The following LRP1B variants were observed in gnomAD, a reference collection of about 807,000 sequenced individuals.
The protein encoded by LRP1B is LDL receptor related protein 1B.
In LRP1B, 217 loss-of-function variants were observed where a neutral mutation model predicts 556.6. The observed-to-expected ratio is 0.39, with a 90% confidence interval of 0.35 to 0.44. LRP1B has a LOEUF of 0.44. Ranked by LOEUF, LRP1B falls within the 20% of genes least tolerant of loss-of-function variation. The pLI is 1.00. For synonymous variants in LRP1B, 2,047 were observed against 1,865.8 expected (o/e 1.10, Z -2.50); for missense variants, 5,053 against 5,620.8 (o/e 0.90, Z 3.23).
rs1698771419 is a variant in LRP1B, at chr2:141,876,699, A to G, written c.83-66298T>C. ...GCTGAGTGTTAGGAGAATATGATAA[A>G]TGAACAATAAGGTTGTTAGTGTGAT... On this transcript the variant is annotated intron_variant, in intron 1 of 90. Transcript: ENST00000389484. Among the ~76,000 whole-genome samples the G allele has an allele frequency of 2.0e-5, 3 of 151,946 alleles. No homozygotes were observed. The South Asian group carries it at 6.2e-4, about 31-fold the overall frequency.
chr2:140,742,298 CCTCT>C (rs1273595391), intron 35 of LRP1B, among the ~76,000 whole-genome samples: 1 of 152,082 alleles, frequency 6.6e-6, no homozygotes, highest in Non-Finnish European at 1.5e-5. Flanking sequence ...CTGAATGGCT[CCTCT>C]CTTTTAAGAA....
At position 141,567,379 on chromosome 2, in the gene LRP1B, A is replaced by T. The variant is rs545809460; in HGVS notation, c.206-86846T>A. Reference sequence around the variant, plus strand: ...TCATTCATAGGCTAAGGATTTTGTTATTTGTTTCAAAGAACAAAAACCAAT... The same window carrying T: ...TCATTCATAGGCTAAGGATTTTGTTTTTTGTTTCAAAGAACAAAAACCAAT... On this transcript the variant is annotated intron_variant, in intron 2 of 90. Coordinates refer to ENST00000389484, the MANE Select transcript of LRP1B (RefSeq NM_018557.3). 2.0e-5 allele frequency among the ~76,000 whole-genome samples: 3 copies of T among 152,266 alleles called. No individual in the cohort carries two copies. In the East Asian group the frequency reaches 5.8e-4, roughly 29 times the overall value.
At chr2:141,143,838 T>TA (rs1701716274) in intron 7 of LRP1B, among the ~76,000 whole-genome samples, 1 of 150,652 alleles carries the variant, frequency 6.6e-6, no homozygotes, top group South Asian at 2.1e-4. Context: ...TCCTAATCTT[T>TA]TTTTTTTTTT....
chr2:141,517,259 T>TACACACACAC (rs71281835), intron 2 of LRP1B, among the ~76,000 whole-genome samples: 2,159 of 141,462 alleles, frequency 0.015, 51 homozygotes, highest in African/African-American at 0.05. Context: ...AGGACAAGAA[T>TACACACACAC]ACGCACACAC....
intron 7 of LRP1B, among the ~76,000 whole-genome samples, chr2:141,174,716 T>C (rs965366013): frequency 6.6e-6 from 1 of 152,086 alleles, no homozygotes; most frequent in East Asian, 1.9e-4. Flanking sequence ...AGGATATTGG[T>C]ACAGGGGCAC....
intron 23 of LRP1B, among the ~76,000 whole-genome samples, chr2:140,901,530 GATATCCATCACCTCAAGC>G (rs1559183612): frequency 6.6e-6 from 1 of 152,010 alleles, no homozygotes; most frequent in African/African-American, 2.4e-5. Context: ...GGGTAAATGG[GATATCCATCACCTCAAGC>G]ATTTATCCTT....
At chr2:140,623,956 G>GTATATATATATATATATATATATATA (rs3060390) in intron 41 of LRP1B, among the ~76,000 whole-genome samples, 4,214 of 105,732 alleles carry the variant, frequency 0.04, 375 homozygotes, top group South Asian at 0.073. Flanking sequence ...TTTTATTTAT[G>GTATATATATATATATATATATATATA]TATATATATA....
rs1021779796 is a variant in LRP1B, at chr2:141,667,654, C to T, written c.205+142625G>A. 1.3e-5 allele frequency among the ~76,000 whole-genome samples: 2 copies of T among 152,322 alleles called. 1 individual carries two copies. Among genetic ancestry groups the T allele is most frequent in the South Asian group, 4.1e-4 (2 of 4,828 alleles). The stretch of plus-strand genomic sequence containing the variant: ...TATATGTTCTAATATCAGTTTTACT[C>T]TTACTTGGATTCACTCTTCTCTTTC... On this transcript the variant is annotated intron_variant, in intron 2 of 90. Transcript: ENST00000389484.
chr2:142,129,194 C>T (rs904616150), intron 1 of LRP1B, among the ~76,000 whole-genome samples: 3 of 152,328 alleles, frequency 2.0e-5, no homozygotes, highest in South Asian at 2.1e-4. Flanking sequence ...CATTTCAAGG[C>T]GAGCTATGTG....
chr2:140,668,598 T>C (rs1232542840), intron 41 of LRP1B, among the ~76,000 whole-genome samples: 1 of 152,108 alleles, frequency 6.6e-6, no homozygotes, highest in Non-Finnish European at 1.5e-5. Flanking sequence ...TTCATATAAA[T>C]AGCCTCCTTC....
intron 2 of LRP1B, among the ~76,000 whole-genome samples, chr2:141,533,059 C>A (rs1266319638): frequency 6.6e-6 from 1 of 152,148 alleles, no homozygotes; most frequent in Non-Finnish European, 1.5e-5. Context: ...ACGTTCACCT[C>A]AATGCCTGAA....
chr2:141,388,005 G>T (rs1420116096), intron 3 of LRP1B, among the ~76,000 whole-genome samples: 1 of 152,040 alleles, frequency 6.6e-6, no homozygotes, highest in Non-Finnish European at 1.5e-5. Flanking sequence ...CTATACAAAT[G>T]CAAGATTGGT....
chr2:141,620,095 G>C (rs919473617), intron 2 of LRP1B, among the ~76,000 whole-genome samples: 5 of 152,168 alleles, frequency 3.3e-5, no homozygotes, highest in Non-Finnish European at 5.9e-5. Flanking sequence ...TGGAATTACA[G>C]GCAGATGCCA....
At chr2:140,716,945 C>A (rs960418537) in intron 35 of LRP1B, 129 bp from the exon 36 acceptor site, 9 of 432,300 alleles carry the variant, frequency 2.1e-5, no homozygotes, top group Middle Eastern at 4.0e-4. Context: ...TTTAAGTATT[C>A]TTCAGGATAA....
intron 1 of LRP1B, among the ~76,000 whole-genome samples, chr2:141,884,742 C>T (rs920348015): frequency 2.0e-5 from 3 of 152,314 alleles, no homozygotes; most frequent in Admixed American, 2.0e-4. Flanking sequence ...TGTGGATAGT[C>T]TTCCTCAAAT....
intron 66 of LRP1B, among the ~76,000 whole-genome samples, chr2:140,409,585 A>G (rs1684886048): frequency 6.6e-6 from 1 of 152,030 alleles, no homozygotes; most frequent in African/African-American, 2.4e-5. Flanking sequence ...TGGTATTAAT[A>G]TTTTCAGATC....
At chr2:141,666,668 G>A (rs1690450987) in intron 2 of LRP1B, among the ~76,000 whole-genome samples, 1 of 152,192 alleles carries the variant, frequency 6.6e-6, no homozygotes, top group Admixed American at 6.5e-5. Context: ...AACCCAACCA[G>A]ATCCTTGCTG....
intron 1 of LRP1B, among the ~76,000 whole-genome samples, chr2:142,004,485 C>T (rs369916055): frequency 6.6e-6 from 1 of 151,308 alleles, no homozygotes; most frequent in Non-Finnish European, 1.5e-5. Flanking sequence ...ATAACATATA[C>T]AACATATATA....
chr2:141,265,823 T>C (rs943271632), intron 3 of LRP1B, among the ~76,000 whole-genome samples: 1 of 152,180 alleles, frequency 6.6e-6, no homozygotes, highest in Non-Finnish European at 1.5e-5. Flanking sequence ...TGAAACACAT[T>C]CAGTTTGTAT....
Sources: gnomAD v4.1 joint callset for allele counts (sites outside exome capture counted in the v4.1 genomes callset) on GRCh38, gnomAD v4.1.1 for gene constraint, MANE v1.5 for transcripts, NCBI Gene and HGNC (gene_info 2026-07-23, HGNC 2026-07-21) for gene names.